Variants in OTOGL observed in about 807,000 individuals in gnomAD.
The protein encoded by OTOGL is otogelin like, also known as otogelin-like protein.
OTOGL carries 285 observed loss-of-function variants against 318.5 expected under a neutral mutation model. The ratio of observed to expected loss-of-function variants is 0.89; its 90% CI spans 0.81 to 0.99. The LOEUF is 0.99. Ranked by LOEUF, OTOGL falls within the 50% of genes least tolerant of loss-of-function variation. The pLI, the probability that OTOGL is intolerant of heterozygous loss-of-function variation, is 0.00. For missense variants in OTOGL, 2,899 were observed against 2,845.6 expected (o/e 1.02, Z -0.43); for synonymous variants, 987 against 936.5 (o/e 1.05, Z -0.99).
chr12:80,339,055 G>A lies in OTOGL; in HGVS notation c.4861-20G>A. 1.3e-6 allele frequency: 2 copies of A among 1,537,660 alleles called. No individual in the cohort carries two copies. The highest frequency in any genetic ancestry group is 1.8e-6 in the Non-Finnish European group (2 of 1,119,062). On this transcript the variant is annotated intron_variant, in intron 42 of 58. Coordinates refer to ENST00000547103, the MANE Select transcript of OTOGL (RefSeq NM_001378609.3). ...TATTTAAGTAAATATTTCTTAACAG[G>A]TGTATTTATGTTATTCTAGGTAGAA...
intron 33 of OTOGL, among the ~76,000 whole-genome samples, chr12:80,319,336 A>C (rs573257041): frequency 6.6e-6 from 1 of 152,304 alleles, no homozygotes; most frequent in East Asian, 1.9e-4. Context: ...TCATGTCTAC[A>C]TAAGTCTACC....
At chr12:80,341,251 G>T (rs1467438977) in intron 43 of OTOGL, among the ~76,000 whole-genome samples, 1 of 152,122 alleles carries the variant, frequency 6.6e-6, no homozygotes, top group Non-Finnish European at 1.5e-5. Context: ...AGAGGCTGCA[G>T]CAGGTCAAGG....
intron 34 of OTOGL, among the ~76,000 whole-genome samples, chr12:80,321,714 G>A (rs1366107546): frequency 2.0e-5 from 3 of 152,256 alleles, no homozygotes; most frequent in Middle Eastern, 3.4e-3. Context: ...CTCTGGCAAC[G>A]AGCTCAGAAC....
intron 52 of OTOGL, among the ~76,000 whole-genome samples, chr12:80,365,361 T>C (rs997725911): frequency 6.6e-6 from 1 of 152,098 alleles, no homozygotes; most frequent in Non-Finnish European, 1.5e-5. Context: ...TAAAGAGGTA[T>C]TTCCTTTTGG....
At chr12:80,254,982 C>T in intron 15 of OTOGL, 58 bp from the exon 16 acceptor site, 5 of 1,325,562 alleles carry the variant, frequency 3.8e-6, no homozygotes, top group Non-Finnish European at 4.9e-6. Flanking sequence ...CCTCCTCTCT[C>T]TCCTCCTCTA....
intron 1 of OTOGL, among the ~76,000 whole-genome samples, chr12:80,206,295 G>A (rs1876802813): frequency 6.6e-6 from 1 of 152,082 alleles, no homozygotes; most frequent in African/African-American, 2.4e-5. Flanking sequence ...TTTTCATGCA[G>A]GCTACCATTT....
At chr12:80,283,536 A>G (rs1884389207) in intron 26 of OTOGL, among the ~76,000 whole-genome samples, 1 of 152,056 alleles carries the variant, frequency 6.6e-6, no homozygotes, top group Non-Finnish European at 1.5e-5. Flanking sequence ...TAGATTGTGT[A>G]TCATTTTATG....
chr12:80,176,609 G>T (rs186954265), intron 1 of OTOGL, among the ~76,000 whole-genome samples: 31 of 151,832 alleles, frequency 2.0e-4, no homozygotes, highest in African/African-American at 7.0e-4. Context: ...GTATTCCATT[G>T]TATGGATATA....
chr12:80,337,059 A>G, intron 42 of OTOGL, 55 bp downstream of exon 42: 1 of 1,304,188 alleles, frequency 7.7e-7, no homozygotes, highest in Admixed American at 2.1e-5. Flanking sequence ...AAATTATACA[A>G]ACAGTTATTT....
Position 80,379,527 on chromosome 12 carries a change from T to C in OTOGL, c.*1479T>C, listed in dbSNP as rs1891352538. On this transcript the variant is annotated 3_prime_UTR_variant, in exon 59 of 59. Coordinates refer to ENST00000547103, the MANE Select transcript of OTOGL (RefSeq NM_001378609.3). ...TGATTTATCCTGTTTGTGCTTAATA[T>C]AAGTGTTCCTGAGATGTTAACATTT... 2 of 151,872 alleles carry C rather than the reference T, an allele frequency of 1.3e-5. No homozygotes were observed. The highest frequency in any genetic ancestry group is 2.9e-5 in the Non-Finnish European group (2 of 67,850). The allele number at this position is 151,872 out of a possible 1,614,324, so 9.4% of individuals were successfully genotyped here.
At chr12:80,127,777 C>T (rs971143078) in intron 1 of OTOGL, among the ~76,000 whole-genome samples, 5 of 152,188 alleles carry the variant, frequency 3.3e-5, no homozygotes, top group Admixed American at 2.6e-4. Flanking sequence ...TTATTTGCTT[C>T]ATTTCATTTA....
intron 29 of OTOGL, among the ~76,000 whole-genome samples, chr12:80,307,459 T>C (rs1460598403): frequency 1.6e-4 from 22 of 135,114 alleles, no homozygotes; most frequent in South Asian, 7.6e-4. Context: ...ACCTCCCTCC[T>C]GGACGGGGTG....
chr12:80,212,141 A>G, intron 4 of OTOGL, 144 bp downstream of exon 4: 1 of 773,656 alleles, frequency 1.3e-6, no homozygotes, highest in Non-Finnish European at 2.0e-6. Flanking sequence ...AAGCAAAGTA[A>G]CCTCTATTGC....
Position 80,238,964 on chromosome 12 carries a change from A to G in OTOGL, c.931A>G (p.Met311Val), listed in dbSNP as rs1350586120. 6 of 1,597,398 alleles carry G rather than the reference A, an allele frequency of 3.8e-6. No homozygotes were observed. The highest frequency in any genetic ancestry group is 5.1e-6 in the Non-Finnish European group (6 of 1,179,020). ...SDFPNPCSSG[M>V]PAFEAIFFKC... is the part of the protein sequence containing the mutation. Reference sequence around the variant, plus strand: ...TTTTCCAAATCCGTGCTCCAGTGGAATGCCAGCATTTGAGGTAAATTTGAT... The same window carrying G: ...TTTTCCAAATCCGTGCTCCAGTGGAGTGCCAGCATTTGAGGTAAATTTGAT... Residue 311 changes from methionine to valine, a missense_variant, in exon 10 of 59, where the codon ATG becomes GTG. Around this residue, in one of 3 missense-constraint regions of OTOGL, gnomAD observed 2,607 missense variants for 2,524.9 expected, o/e 1.03. Coordinates refer to ENST00000547103, the MANE Select transcript of OTOGL (RefSeq NM_001378609.3).
In OTOGL at chr12:80,195,517, G is replaced by C. The variant is rs185741260; in HGVS notation, c.-19-13896G>C. Among the ~76,000 whole-genome samples, 11 of 152,294 alleles carry C rather than the reference G, an allele frequency of 7.2e-5. No individual in the cohort carries two copies. The East Asian group carries it at 2.1e-3, about 29-fold the overall frequency. On this transcript the variant is annotated intron_variant, in intron 1 of 58. Coordinates refer to ENST00000547103, the MANE Select transcript of OTOGL (RefSeq NM_001378609.3). ...GAAGGCAGACAAGGAGTTAAAATAG[G>C]CTGGTTAGTAGAATGAAGCTTATAT...
intron 27 of OTOGL, among the ~76,000 whole-genome samples, chr12:80,301,096 T>C (rs1885729532): frequency 6.6e-6 from 1 of 152,236 alleles, no homozygotes; most frequent in Non-Finnish European, 1.5e-5. Context: ...TGTAGTATAG[T>C]ATTTTCAAAC....
intron 14 of OTOGL, 45 bp from the exon 15 acceptor site, chr12:80,254,479 A>T (rs371151172): frequency 6.0e-6 from 9 of 1,497,908 alleles, no homozygotes; most frequent in Non-Finnish European, 7.4e-6. Context: ...ACATTAATAC[A>T]GTTTCTCTAT....
At chr12:80,156,889 T>C (rs1410474395) in intron 1 of OTOGL, among the ~76,000 whole-genome samples, 1 of 152,170 alleles carries the variant, frequency 6.6e-6, no homozygotes, top group African/African-American at 2.4e-5. Flanking sequence ...TGAAGAGTGC[T>C]GCAAAAATTA....
intron 32 of OTOGL, among the ~76,000 whole-genome samples, chr12:80,316,410 A>G (rs1350283833): frequency 1.3e-5 from 2 of 152,214 alleles, no homozygotes; most frequent in Non-Finnish European, 2.9e-5. Flanking sequence ...ACCCAGAAGC[A>G]GAATTTTCTA....
Sources: gnomAD v4.1 joint callset for allele counts (sites outside exome capture counted in the v4.1 genomes callset) on GRCh38, gnomAD v4.1.1 for gene constraint, gnomAD v4.1.1 regional missense constraint, MANE v1.5 for transcripts, NCBI Gene and HGNC (gene_info 2026-07-23, HGNC 2026-07-21) for gene names.